Variants in ATP10A observed in about 807,000 individuals in gnomAD.
ATP10A encodes ATPase phospholipid transporting 10A (putative).
Under a neutral mutation model 147.8 loss-of-function variants are expected in ATP10A, and 111 were observed. That is an observed-to-expected ratio of 0.75 (90% CI 0.64 to 0.88). The LOEUF (loss-of-function observed/expected upper bound fraction) is 0.88, where lower values mean the gene tolerates loss of function less well. Among genes scored for constraint, ATP10A ranks in the 40% least tolerant of loss-of-function variants. ATP10A has a pLI of 0.00. For missense variants in ATP10A, 1,927 were observed against 1,959.0 expected, an observed-to-expected ratio of 0.98 and a Z score of 0.31; for synonymous variants, 875 against 841.6, an observed-to-expected ratio of 1.04 and a Z score of -0.69.
chr15:25,719,320 G>C (rs1173910541), intron 7 of ATP10A, among the ~76,000 whole-genome samples: 2 of 152,146 alleles, frequency 1.3e-5, no homozygotes, highest in Non-Finnish European at 1.5e-5. Flanking sequence ...GAGAAAAATG[G>C]GGATAAAAAA....
At chr15:25,769,616 G>A (rs139862267) in intron 2 of ATP10A, among the ~76,000 whole-genome samples, 154 of 151,940 alleles carry the variant, frequency 1.0e-3, no homozygotes, top group African/African-American at 3.6e-3. Context: ...CTAACTTTCT[G>A]GAACTGCAGT....
At chr15:25,833,950 C>T (rs1176060394) in intron 1 of ATP10A, among the ~76,000 whole-genome samples, 6 of 150,146 alleles carry the variant, frequency 4.0e-5, no homozygotes, top group African/African-American at 1.2e-4. Context: ...CCAGCCTGGG[C>T]AACAGAGGGA....
rs151074291 is a variant in ATP10A, at chr15:25,778,077, C to T, written c.654+2942G>A. ...ATTGAATCATGTGTGGTTTCTGTCT[C>T]CTGACTGGACCCCGCTGGATACCCT... On this transcript the variant is annotated intron_variant, in intron 2 of 20. Coordinates refer to ENST00000555815, the MANE Select transcript of ATP10A (RefSeq NM_024490.4). 3.2e-3 allele frequency among the ~76,000 whole-genome samples: 488 copies of T among 152,212 alleles called. 2 individuals carry two copies. The highest frequency in any genetic ancestry group is 0.011 in the African/African-American group (468 of 41,532).
chr15:25,684,282 G>A lies in ATP10A; in HGVS notation c.3292-796C>T, dbSNP rs1039255634. On this transcript the variant is annotated intron_variant, in intron 16 of 20. Coordinates refer to ENST00000555815, the MANE Select transcript of ATP10A (RefSeq NM_024490.4). ...TCAGCAGCCTGAGTGCATTTATACG[G>A]TGGACATGACAGTTTAGTGATTGCA... Among the ~76,000 whole-genome samples the A allele has an allele frequency of 2.0e-5, 3 of 152,192 alleles. No individual in the cohort carries two copies. In the East Asian group the frequency reaches 5.8e-4, roughly 29 times the overall value.
chr15:25,829,312 G>A (rs746701803), intron 1 of ATP10A, among the ~76,000 whole-genome samples: 5 of 152,156 alleles, frequency 3.3e-5, no homozygotes, highest in Non-Finnish European at 7.3e-5. Context: ...GTGACTTTCA[G>A]AGCTTTGCAT....
chr15:25,682,415 C>T (rs545726270), intron 17 of ATP10A, among the ~76,000 whole-genome samples: 9 of 152,306 alleles, frequency 5.9e-5, no homozygotes, highest in South Asian at 4.1e-4. Flanking sequence ...GCAGCTGGCA[C>T]GGGACCTGCA....
At position 25,812,665 on chromosome 15, in the gene ATP10A, G is replaced by A. The variant is rs376750050; in HGVS notation, c.450-31442C>T. Among the ~76,000 whole-genome samples the A allele has an allele frequency of 1.4e-4, 21 of 152,144 alleles. No individual in the cohort carries two copies. The East Asian group carries it at 3.3e-3, about 24-fold the overall frequency. ...GCTATTTTTGTTGTTGTTGTTACTGGGCTGTCTCTGTTTTTCTCTGAACGC... is the reference window on the plus strand; with the variant it reads ...GCTATTTTTGTTGTTGTTGTTACTGAGCTGTCTCTGTTTTTCTCTGAACGC... On this transcript the variant is annotated intron_variant, in intron 1 of 20. Transcript: ENST00000555815.
intron 1 of ATP10A, chr15:25,862,375 C>A: frequency 1.5e-6 from 1 of 645,424 alleles, no homozygotes. Context: ...GGTTTCTAGC[C>A]TTGGGATCAT....
chr15:25,843,669 A>G (rs912415257), intron 1 of ATP10A, among the ~76,000 whole-genome samples: 2 of 152,170 alleles, frequency 1.3e-5, no homozygotes, highest in Non-Finnish European at 2.9e-5. Flanking sequence ...CATCCAGAGT[A>G]GAAAAGGTCC....
chr15:25,677,285 T>C (rs1231383175), downstream of ATP10A: 2 of 152,186 alleles, frequency 1.3e-5, no homozygotes, highest in South Asian at 2.1e-4. Context: ...TTGCTTGCCA[T>C]AGATTGTTAT....
chr15:25,680,024 T>A, intron 20 of ATP10A, 50 bp from the exon 21 acceptor site: 2 of 1,579,874 alleles, frequency 1.3e-6, no homozygotes, highest in Non-Finnish European at 1.7e-6. Context: ...GTCGGTGGTG[T>A]CTTTGAGCTT....
chr15:25,791,156 C>T (rs1274506337), intron 1 of ATP10A, among the ~76,000 whole-genome samples: 1 of 148,508 alleles, frequency 6.7e-6, no homozygotes, highest in Non-Finnish European at 1.5e-5. Context: ...TCTCGACTCA[C>T]TGCAACCTCC....
chr15:25,768,680 CTAATTT>C (rs1266587949), intron 2 of ATP10A, among the ~76,000 whole-genome samples: 5 of 120,752 alleles, frequency 4.1e-5, no homozygotes. Flanking sequence ...AGTAGCTGGG[CTAATTT>C]TTTTTTTTTT....
rs760686365 is a variant in ATP10A, at chr15:25,810,067, G to A, written c.450-28844C>T. ...TAGTGGAACCTAGTCTTACACATTAGGCTCATCACCTAGCAACTAGAACCC... is the reference window on the plus strand; with the variant it reads ...TAGTGGAACCTAGTCTTACACATTAAGCTCATCACCTAGCAACTAGAACCC... On this transcript the variant is annotated intron_variant, in intron 1 of 20. Coordinates refer to ENST00000555815, the MANE Select transcript of ATP10A (RefSeq NM_024490.4). Among the ~76,000 whole-genome samples the A allele has an allele frequency of 7.2e-4, 109 of 151,920 alleles. 1 individual carries two copies. The highest frequency in any genetic ancestry group is 1.8e-3 in the Admixed American group (27 of 15,274).
At chr15:25,852,247 C>T (rs1448540179) in intron 1 of ATP10A, among the ~76,000 whole-genome samples, 2 of 151,834 alleles carry the variant, frequency 1.3e-5, no homozygotes, top group African/African-American at 4.8e-5. Flanking sequence ...TGCCATCCTC[C>T]CTCCTATTGA....
At chr15:25,845,912 C>T (rs1310634612) in intron 1 of ATP10A, among the ~76,000 whole-genome samples, 3 of 152,218 alleles carry the variant, frequency 2.0e-5, no homozygotes, top group African/African-American at 7.2e-5. Context: ...GCCCAAGGGT[C>T]CCTTAACAGA....
chr15:25,860,340 C>G (rs139347614), intron 1 of ATP10A, among the ~76,000 whole-genome samples: 1 of 152,186 alleles, frequency 6.6e-6, no homozygotes, highest in African/African-American at 2.4e-5. Context: ...AGACATGGAG[C>G]CTGCATCCCG....
At chr15:25,779,540 C>G (rs1027939361) in intron 2 of ATP10A, among the ~76,000 whole-genome samples, 1 of 150,692 alleles carries the variant, frequency 6.6e-6, no homozygotes, top group Non-Finnish European at 1.5e-5. Context: ...GACGGGCTCA[C>G]GCCCCTGACT....
chr15:25,849,230 G>T (rs1014508054), intron 1 of ATP10A, among the ~76,000 whole-genome samples: 1 of 152,134 alleles, frequency 6.6e-6, no homozygotes, highest in Non-Finnish European at 1.5e-5. Context: ...ACACAGAGGG[G>T]GCCGAGGGTG....
Sources: allele counts gnomAD v4.1 joint callset (sites outside exome capture counted in the v4.1 genomes callset), GRCh38; gene constraint gnomAD v4.1.1; transcripts MANE v1.5; gene names NCBI Gene and HGNC (gene_info 2026-07-23, HGNC 2026-07-21).